The following PARM1 variants were observed in gnomAD, a reference collection of about 807,000 sequenced individuals.
PARM1 encodes the protein prostate androgen-regulated mucin-like protein 1, also known as WSC4, cell wall integrity and stress response component 4 homolog.
A neutral mutation model predicts 24.6 loss-of-function variants in PARM1; 14 were observed. The observed-to-expected ratio is 0.57, with a 90% CI of 0.38 to 0.89. The LOEUF is 0.89. Ranked by LOEUF, PARM1 falls within the 40% of genes least tolerant of loss-of-function variation. The probability of loss-of-function intolerance (pLI) is 0.00; values close to 1 mark genes in which losing one functional copy is unlikely to be tolerated. For missense variants in PARM1, 362 were observed against 380.4 expected (o/e 0.95, Z 0.40); for synonymous variants, 179 against 156.6 (o/e 1.14, Z -1.07).
At chr4:74,942,938 T>C (rs1655101414) in intron 1 of PARM1, among the ~76,000 whole-genome samples, 1 of 152,168 alleles carries the variant, frequency 6.6e-6, no homozygotes, top group Admixed American at 6.5e-5. Flanking sequence ...TGGGGCCTCG[T>C]TGGTTCTTGA....
chr4:75,012,642 AGAG>A lies in PARM1; in HGVS notation c.265_267del (p.Glu89del). ...AGAACATTTCCATAGAGTCCAGAGA[AGAG>A]GAGATCACCAGCCCAGGTTCGAATT... is the stretch of plus-strand genomic sequence containing the variant. On this transcript the variant is annotated inframe_deletion, in exon 2 of 4. Coordinates refer to ENST00000307428, the MANE Select transcript of PARM1 (RefSeq NM_015393.4). The A allele has an allele frequency of 6.2e-7, 1 of 1,613,994 alleles. No homozygotes were observed. Among genetic ancestry groups the A allele is most frequent in the East Asian group, 2.2e-5 (1 of 44,884 alleles).
chr4:74,945,329 G>A (rs2109982275), intron 1 of PARM1, among the ~76,000 whole-genome samples: 1 of 152,262 alleles, frequency 6.6e-6, no homozygotes, highest in South Asian at 2.1e-4. Context: ...TTTAAAAGTT[G>A]AGATATTATG....
chr4:74,994,347 AG>A (rs1722534402), intron 1 of PARM1: 1 of 152,228 alleles, frequency 6.6e-6, no homozygotes, highest in South Asian at 2.1e-4. Flanking sequence ...TTGCTTCAGC[AG>A]ATGACATTCA....
chr4:75,035,147 T>G (rs959129960), intron 3 of PARM1, among the ~76,000 whole-genome samples: 2 of 152,216 alleles, frequency 1.3e-5, no homozygotes, highest in African/African-American at 4.8e-5. Context: ...TTGAGAGATG[T>G]CCTTTCCAGT....
chr4:74,955,935 C>T (rs1200000584), intron 1 of PARM1: 1 of 152,118 alleles, frequency 6.6e-6, no homozygotes, highest in Non-Finnish European at 1.5e-5. Flanking sequence ...CAAAGGTCTC[C>T]AAAGTTTAGA....
At chr4:75,009,624 G>A (rs932787001) in intron 1 of PARM1, among the ~76,000 whole-genome samples, 1 of 152,208 alleles carries the variant, frequency 6.6e-6, no homozygotes, top group Non-Finnish European at 1.5e-5. Flanking sequence ...AGCCCTCCCT[G>A]AGGAAGCCAT....
chr4:75,005,948 G>A (rs1722760935), intron 1 of PARM1, among the ~76,000 whole-genome samples: 1 of 152,196 alleles, frequency 6.6e-6, no homozygotes, highest in African/African-American at 2.4e-5. Context: ...CTGTGGGCCT[G>A]TCACTGCCCC....
At chr4:75,002,269 C>A (rs2109787635) in intron 1 of PARM1, among the ~76,000 whole-genome samples, 1 of 152,250 alleles carries the variant, frequency 6.6e-6, no homozygotes, top group South Asian at 2.1e-4. Flanking sequence ...CAAAACAAGG[C>A]AATATTTGGG....
At chr4:75,015,041 A>G (rs1159488740) in intron 2 of PARM1, among the ~76,000 whole-genome samples, 1 of 152,050 alleles carries the variant, frequency 6.6e-6, no homozygotes, top group Non-Finnish European at 1.5e-5. Flanking sequence ...CCTCACCACC[A>G]CTTGTCTGTA....
intron 1 of PARM1, among the ~76,000 whole-genome samples, chr4:74,943,028 G>A (rs2109981365): frequency 6.6e-6 from 1 of 152,276 alleles, no homozygotes; most frequent in African/African-American, 2.4e-5. Flanking sequence ...TAAGTCCTCT[G>A]TCTGGAGTAT....
intron 1 of PARM1, among the ~76,000 whole-genome samples, chr4:74,935,423 G>A (rs1253302931): frequency 2.6e-5 from 4 of 152,084 alleles, no homozygotes; most frequent in African/African-American, 7.2e-5. Flanking sequence ...TTAATTTTAA[G>A]GTGTTTTCAG....
At chr4:74,969,733 T>G (rs555776017) in intron 1 of PARM1, 76 of 152,378 alleles carry the variant, frequency 5.0e-4, no homozygotes, top group African/African-American at 1.8e-3. Flanking sequence ...GGCAGGTGTC[T>G]TTGTTCCTCT....
Position 74,954,062 on chromosome 4 carries a change from AT to A in PARM1, c.43+20693del, listed in dbSNP as rs1204834039. Among the ~76,000 whole-genome samples, 3 of 152,352 alleles carry A rather than the reference AT, an allele frequency of 2.0e-5. No individual in the cohort carries two copies. The East Asian group carries it at 5.8e-4, about 29-fold the overall frequency. On this transcript the variant is annotated intron_variant, in intron 1 of 3. Transcript: ENST00000307428. ...AGCAAAAACTAAAAGTAGATATGGA[AT>A]AAATCTTCTGAAGCTCTAAGGCTCA...
At chr4:74,937,626 A>G (rs1044973171) in intron 1 of PARM1, among the ~76,000 whole-genome samples, 3 of 152,210 alleles carry the variant, frequency 2.0e-5, no homozygotes, top group Non-Finnish European at 4.4e-5. Flanking sequence ...ATAGGTATAC[A>G]GTGCTGGAGA....
At chr4:75,016,674 C>T (rs925625532) in intron 2 of PARM1, among the ~76,000 whole-genome samples, 2 of 152,140 alleles carry the variant, frequency 1.3e-5, no homozygotes, top group Non-Finnish European at 1.5e-5. Flanking sequence ...CTCTGCTCGA[C>T]GTTCAGAGTG....
intron 2 of PARM1, among the ~76,000 whole-genome samples, chr4:75,030,613 C>T (rs1723256477): frequency 6.6e-6 from 1 of 152,194 alleles, no homozygotes; most frequent in South Asian, 2.1e-4. Flanking sequence ...CGTGCTAGCA[C>T]AGTGGAATAT....
intron 2 of PARM1, among the ~76,000 whole-genome samples, chr4:75,021,887 C>A (rs978998454): frequency 1.3e-5 from 2 of 152,160 alleles, no homozygotes; most frequent in African/African-American, 4.8e-5. Context: ...GATTCTATGT[C>A]TTTGCTATTG....
intron 3 of PARM1, among the ~76,000 whole-genome samples, chr4:75,035,422 G>A (rs112089382): frequency 1.0e-3 from 156 of 152,160 alleles, no homozygotes; most frequent in Non-Finnish European, 1.7e-3. Context: ...GCACTGTGGC[G>A]CACACACACA....
chr4:74,953,822 T>A (rs1009522250), intron 1 of PARM1, among the ~76,000 whole-genome samples: 1 of 151,896 alleles, frequency 6.6e-6, no homozygotes, highest in Non-Finnish European at 1.5e-5. Flanking sequence ...TCCAGAGACA[T>A]CTGACTGAGG....
Sources: allele counts gnomAD v4.1 joint callset (sites outside exome capture counted in the v4.1 genomes callset), GRCh38; gene constraint gnomAD v4.1.1; transcripts MANE v1.5; gene names NCBI Gene and HGNC (gene_info 2026-07-23, HGNC 2026-07-21).